Variants in CCDC7 observed in about 807,000 individuals in gnomAD.
CCDC7 encodes coiled-coil domain containing 7, also known as coiled-coil domain-containing protein 7.
In CCDC7, 183 loss-of-function variants were observed where a neutral mutation model predicts 196.9. The ratio of observed to expected loss-of-function variants is 0.93; its 90% CI spans 0.82 to 1.05. CCDC7 has a LOEUF of 1.05. Among genes scored for constraint, CCDC7 ranks in the 50% least tolerant of loss-of-function variants. The probability of loss-of-function intolerance (pLI) is 0.00; values close to 1 mark genes in which losing one functional copy is unlikely to be tolerated. For missense variants in CCDC7, 1,540 were observed against 1,482.2 expected (o/e 1.04, Z -0.64); for synonymous variants, 525 against 484.6 (o/e 1.08, Z -1.10).
At chr10:32,759,702 A>C (rs1433645791) in intron 28 of CCDC7, among the ~76,000 whole-genome samples, 1 of 152,252 alleles carries the variant, frequency 6.6e-6, no homozygotes, top group Non-Finnish European at 1.5e-5. Context: ...TTCATGTCTA[A>C]AACACCAAAA....
chr10:32,450,713 C>A (rs1217019661), upstream of CCDC7, among the ~76,000 whole-genome samples: 2 of 152,140 alleles, frequency 1.3e-5, no homozygotes, highest in African/African-American at 4.8e-5. Context: ...TAATATTACA[C>A]TAATGATACC....
intron 11 of CCDC7, among the ~76,000 whole-genome samples, chr10:32,533,137 T>C (rs1048247209): frequency 2.6e-5 from 4 of 152,064 alleles, no homozygotes; most frequent in Admixed American, 1.3e-4. Context: ...CATGTTTTTG[T>C]GATGTGGTTA....
At chr10:32,520,937 T>C (rs2047786440) in intron 11 of CCDC7, among the ~76,000 whole-genome samples, 3 of 152,138 alleles carry the variant, frequency 2.0e-5, no homozygotes, top group Non-Finnish European at 2.9e-5. Flanking sequence ...CATCTGCATA[T>C]AGCTATCCAG....
At chr10:32,833,112 T>C (rs1438477542) in intron 32 of CCDC7, among the ~76,000 whole-genome samples, 1 of 152,098 alleles carries the variant, frequency 6.6e-6, no homozygotes, top group Non-Finnish European at 1.5e-5. Context: ...TAAAGTTATA[T>C]AGAGAAATAA....
At chr10:32,468,860 G>A (rs988813874) in intron 5 of CCDC7, among the ~76,000 whole-genome samples, 2 of 152,164 alleles carry the variant, frequency 1.3e-5, no homozygotes, top group African/African-American at 4.8e-5. Flanking sequence ...TTTATTGTTA[G>A]TACATGCTGG....
intron 20 of CCDC7, among the ~76,000 whole-genome samples, chr10:32,644,919 A>G (rs1322061270): frequency 1.3e-5 from 2 of 152,228 alleles, no homozygotes; most frequent in African/African-American, 2.4e-5. Flanking sequence ...GATAGTATTC[A>G]TTGCAGAACC....
At chr10:32,806,305 T>C (rs1420767909) in intron 30 of CCDC7, among the ~76,000 whole-genome samples, 2 of 152,094 alleles carry the variant, frequency 1.3e-5, no homozygotes, top group Non-Finnish European at 2.9e-5. Flanking sequence ...GTCTAAAATG[T>C]CCAGTTTTCA....
chr10:32,646,950 A>G (rs1338668707), intron 20 of CCDC7, among the ~76,000 whole-genome samples: 1 of 152,194 alleles, frequency 6.6e-6, no homozygotes, highest in Non-Finnish European at 1.5e-5. Context: ...TGCATGGTAT[A>G]TATGTCCCAT....
downstream of CCDC7, chr10:32,876,403 A>T: frequency 6.2e-7 from 1 of 1,607,762 alleles, no homozygotes; most frequent in Non-Finnish European, 8.5e-7. Context: ...AGAATGAAGG[A>T]AATTCTGAGC....
At chr10:32,536,544 G>A (rs2050529463) in intron 11 of CCDC7, among the ~76,000 whole-genome samples, 1 of 152,154 alleles carries the variant, frequency 6.6e-6, no homozygotes, top group African/African-American at 2.4e-5. Context: ...AGGGGTACAT[G>A]AGCAGGTTTG....
At chr10:32,639,005 A>G (rs1247394451) in intron 20 of CCDC7, among the ~76,000 whole-genome samples, 1 of 152,106 alleles carries the variant, frequency 6.6e-6, no homozygotes, top group African/African-American at 2.4e-5. Flanking sequence ...TAGATTTTCT[A>G]GTTTATTTGC....
chr10:32,444,269 A>C (rs531432150), upstream of CCDC7, among the ~76,000 whole-genome samples: 1 of 152,324 alleles, frequency 6.6e-6, no homozygotes, highest in Non-Finnish European at 1.5e-5. Flanking sequence ...TCTATTCATA[A>C]GTATTGTTTG....
intron 30 of CCDC7, among the ~76,000 whole-genome samples, chr10:32,807,094 C>A (rs1002858074): frequency 6.6e-6 from 1 of 152,018 alleles, no homozygotes; most frequent in African/African-American, 2.4e-5. Context: ...AAAATTTATT[C>A]CTATCAGAAC....
intron 28 of CCDC7, among the ~76,000 whole-genome samples, chr10:32,732,553 T>A (rs929673015): frequency 1.3e-5 from 2 of 152,192 alleles, no homozygotes; most frequent in Admixed American, 6.5e-5. Flanking sequence ...TATCTCTTTG[T>A]AGTTCTGCCA....
intron 28 of CCDC7, among the ~76,000 whole-genome samples, chr10:32,746,567 A>T (rs990519591): frequency 6.6e-6 from 1 of 152,164 alleles, no homozygotes; most frequent in African/African-American, 2.4e-5. Context: ...TGTCAGTGAC[A>T]TCGGGCCAAT....
chr10:32,669,508 G>A (rs1393473533), intron 21 of CCDC7, among the ~76,000 whole-genome samples: 5 of 151,932 alleles, frequency 3.3e-5, no homozygotes, highest in Non-Finnish European at 7.4e-5. Context: ...GTATCCATGA[G>A]GTCTTAGCTT....
At chr10:32,499,982 G>T (rs1044892942) in intron 9 of CCDC7, among the ~76,000 whole-genome samples, 2 of 152,174 alleles carry the variant, frequency 1.3e-5, no homozygotes, top group South Asian at 2.1e-4. Flanking sequence ...GAACAAAATG[G>T]AGTCTCCTAT....
intron 13 of CCDC7, among the ~76,000 whole-genome samples, chr10:32,546,293 A>C (rs2052446673): frequency 6.6e-6 from 1 of 152,254 alleles, no homozygotes; most frequent in East Asian, 1.9e-4. Context: ...AAGTCACTTA[A>C]AAATTTTAAT....
At chr10:32,528,554 C>T (rs2049030394) in intron 11 of CCDC7, among the ~76,000 whole-genome samples, 1 of 151,682 alleles carries the variant, frequency 6.6e-6, no homozygotes, top group Admixed American at 6.6e-5. Context: ...GTCTCCAAAT[C>T]TATCCAGGTT....
Sources: allele counts gnomAD v4.1 joint callset (sites outside exome capture counted in the v4.1 genomes callset), GRCh38; gene constraint gnomAD v4.1.1; transcripts MANE v1.5; gene names NCBI Gene and HGNC (gene_info 2026-07-23, HGNC 2026-07-21).